The following RBFOX1 variants were observed in gnomAD, a reference collection of about 807,000 sequenced individuals.
RBFOX1 encodes the protein RNA binding protein fox-1 homolog 1.
A neutral mutation model predicts 57.7 loss-of-function variants in RBFOX1; 8 were observed. The ratio of observed to expected loss-of-function variants is 0.14; its 90% confidence interval spans 0.08 to 0.25. The LOEUF (loss-of-function observed/expected upper bound fraction) is 0.25, where lower values mean the gene tolerates loss of function less well. Among genes scored for constraint, RBFOX1 ranks in the 10% least tolerant of loss-of-function variants. RBFOX1 has a pLI of 1.00. For missense variants in RBFOX1, 611 were observed against 548.5 expected (o/e 1.11, Z -1.14); for synonymous variants, 326 against 222.4 (o/e 1.47, Z -4.15).
At chr16:6,881,700 C>T (rs1184142954) in intron 3 of RBFOX1, among the ~76,000 whole-genome samples, 13 of 152,156 alleles carry the variant, frequency 8.5e-5, no homozygotes, top group African/African-American at 2.2e-4. Context: ...AACGTCTTAA[C>T]GTTGAATTTG....
intron 4 of RBFOX1, among the ~76,000 whole-genome samples, chr16:5,990,971 T>A (rs2060383347): frequency 6.6e-6 from 1 of 152,104 alleles, no homozygotes; most frequent in South Asian, 2.1e-4. Flanking sequence ...CAAGACTCTG[T>A]CAGAGAGAGA....
intron 4 of RBFOX1, among the ~76,000 whole-genome samples, chr16:7,433,170 G>A (rs949517873): frequency 1.3e-5 from 2 of 152,030 alleles, no homozygotes; most frequent in Non-Finnish European, 2.9e-5. Flanking sequence ...TTTCCTTCTG[G>A]GACTTCTTAG....
chr16:7,141,697 T>C (rs960607234), intron 4 of RBFOX1, among the ~76,000 whole-genome samples: 1 of 152,166 alleles, frequency 6.6e-6, no homozygotes, highest in Non-Finnish European at 1.5e-5. Context: ...CTATAGTCTT[T>C]TGGATCCCTT....
At chr16:6,863,353 T>C (rs1220320814) in intron 3 of RBFOX1, among the ~76,000 whole-genome samples, 1 of 151,806 alleles carries the variant, frequency 6.6e-6, no homozygotes, top group Admixed American at 6.6e-5. Flanking sequence ...ACCAGGAGGG[T>C]GGTGACTCAC....
At chr16:6,202,833 G>A (rs1182134706) in intron 1 of RBFOX1, among the ~76,000 whole-genome samples, 2 of 152,026 alleles carry the variant, frequency 1.3e-5, no homozygotes, top group African/African-American at 2.4e-5. Context: ...TGTTGCCCAG[G>A]CTGGAGTGCA....
intron 1 of RBFOX1, among the ~76,000 whole-genome samples, chr16:5,272,742 C>A (rs555984132): frequency 1.8e-4 from 27 of 152,278 alleles, no homozygotes; most frequent in African/African-American, 5.5e-4. Context: ...CCTTTGAGGT[C>A]CCCCTTCCCT....
At chr16:6,727,399 T>C in intron 3 of RBFOX1, among the ~76,000 whole-genome samples, 1 of 152,180 alleles carries the variant, frequency 6.6e-6, no homozygotes, top group East Asian at 1.9e-4. Flanking sequence ...TAGTCTTCAT[T>C]TTACAATTGT....
chr16:7,322,239 T>C (rs1175466881), intron 4 of RBFOX1, among the ~76,000 whole-genome samples: 2 of 152,242 alleles, frequency 1.3e-5, no homozygotes, highest in African/African-American at 4.8e-5. Flanking sequence ...TGTTTTGCAC[T>C]TCTTAAGCAC....
chr16:7,378,916 C>G (rs1405405528), intron 4 of RBFOX1, among the ~76,000 whole-genome samples: 1 of 152,172 alleles, frequency 6.6e-6, no homozygotes, highest in Non-Finnish European at 1.5e-5. Context: ...CACTGTTTCA[C>G]CAGAAGACAC....
intron 1 of RBFOX1, among the ~76,000 whole-genome samples, chr16:6,111,255 C>A (rs1370589156): frequency 6.6e-6 from 1 of 152,250 alleles, no homozygotes; most frequent in Admixed American, 6.5e-5. Flanking sequence ...GCAATGTCAC[C>A]CCATTGTTGG....
chr16:7,536,771 T>C (rs1038227060), intron 5 of RBFOX1, among the ~76,000 whole-genome samples: 1 of 152,138 alleles, frequency 6.6e-6, no homozygotes, highest in African/African-American at 2.4e-5. Context: ...AGGGATGCCA[T>C]GGTAGTAGCT....
At chr16:6,876,428 A>G (rs950292435) in intron 3 of RBFOX1, among the ~76,000 whole-genome samples, 3 of 59,536 alleles carry the variant, frequency 5.0e-5, no homozygotes, top group African/African-American at 4.0e-4. Flanking sequence ...AAACAAAGTC[A>G]CTCTTAAAAA....
intron 3 of RBFOX1, among the ~76,000 whole-genome samples, chr16:6,945,043 G>T (rs57924852): frequency 0.012 from 1,754 of 152,176 alleles, 42 homozygotes; most frequent in African/African-American, 0.04. Flanking sequence ...TCTGAATCCC[G>T]TGTTCTAATG....
intron 3 of RBFOX1, among the ~76,000 whole-genome samples, chr16:6,850,061 T>C (rs1177666646): frequency 6.6e-6 from 1 of 152,198 alleles, no homozygotes; most frequent in Non-Finnish European, 1.5e-5. Context: ...TGTGCATAGA[T>C]ACCTTCTTAA....
chr16:6,621,060 C>A (rs911144954), intron 2 of RBFOX1, among the ~76,000 whole-genome samples: 1 of 152,224 alleles, frequency 6.6e-6, no homozygotes, highest in Admixed American at 6.5e-5. Flanking sequence ...GGACTGCCAG[C>A]AATCCTTGGC....
Position 6,417,481 on chromosome 16 carries a change from C to T in RBFOX1, c.-64+100424C>T, listed in dbSNP as rs564693491. 1.0e-4 allele frequency among the ~76,000 whole-genome samples: 15 copies of T among 146,850 alleles called. No homozygotes were observed. In the East Asian group the frequency reaches 2.2e-3, roughly 22 times the overall value. On this transcript the variant is annotated intron_variant, in intron 2 of 15. Coordinates refer to ENST00000550418, the MANE Select transcript of RBFOX1 (RefSeq NM_018723.4). ...GTTGGCTCACTGCAATCTCTGTCTC[C>T]TGAGTTCAAGCAATTCTCCTGCCTC...
intron 1 of RBFOX1, among the ~76,000 whole-genome samples, chr16:6,072,971 A>G (rs113760627): frequency 5.3e-5 from 8 of 152,272 alleles, no homozygotes; most frequent in African/African-American, 1.2e-4. Context: ...TTGTGTGTCA[A>G]TTATACCTCC....
At chr16:6,698,470 C>G (rs554415799) in intron 3 of RBFOX1, among the ~76,000 whole-genome samples, 2 of 152,324 alleles carry the variant, frequency 1.3e-5, no homozygotes, top group African/African-American at 4.8e-5. Context: ...TCAATCCTGT[C>G]ATTATCTCTT....
chr16:5,785,519 C>A lies in RBFOX1; in HGVS notation c.319-81784C>A, dbSNP rs151178535. 4.4e-3 allele frequency among the ~76,000 whole-genome samples: 664 copies of A among 151,658 alleles called. 6 individuals are homozygous for A. Among genetic ancestry groups the A allele is most frequent in the African/African-American group, 0.015 (609 of 41,360 alleles). On this transcript the variant is annotated intron_variant, in intron 3 of 19. Coordinates refer to the RBFOX1 transcript ENST00000641259. Reference sequence around the variant, plus strand: ...CTTCAATTTCTTTTCTTTTTTCTTTCTTTCTTTCTTTCTTTTTCTTTTTTT... The same window carrying A: ...CTTCAATTTCTTTTCTTTTTTCTTTATTTCTTTCTTTCTTTTTCTTTTTTT...
Sources: allele counts gnomAD v4.1 joint callset (sites outside exome capture counted in the v4.1 genomes callset), GRCh38; gene constraint gnomAD v4.1.1; transcripts MANE v1.5; gene names NCBI Gene and HGNC (gene_info 2026-07-23, HGNC 2026-07-21).